The following AFF3 variants were observed in gnomAD, a reference collection of about 807,000 sequenced individuals.
AFF3 encodes ALF transcription elongation factor 3, also known as AF4/FMR2 family member 3.
In AFF3, 32 loss-of-function variants were observed where a neutral mutation model predicts 129.7. The observed-to-expected ratio is 0.25, with a 90% CI of 0.19 to 0.33. AFF3 has a LOEUF of 0.33. Among genes scored for constraint, AFF3 ranks in the 10% least tolerant of loss-of-function variants. The pLI, the probability that AFF3 is intolerant of heterozygous loss-of-function variation, is 1.00. For missense variants in AFF3, 1,373 were observed against 1,592.0 expected, an observed-to-expected ratio of 0.86 and a Z score of 2.34; for synonymous variants, 644 against 635.4, an observed-to-expected ratio of 1.01 and a Z score of -0.20.
chr2:99,905,637 T>C (rs1197909349), intron 7 of AFF3, among the ~76,000 whole-genome samples: 1 of 152,210 alleles, frequency 6.6e-6, no homozygotes, highest in Admixed American at 6.5e-5. Flanking sequence ...GTTTGAATTT[T>C]ATATTTCAAA....
At chr2:99,671,917 T>C (rs1259948199) in intron 12 of AFF3, among the ~76,000 whole-genome samples, 3 of 152,300 alleles carry the variant, frequency 2.0e-5, no homozygotes, top group African/African-American at 7.2e-5. Context: ...GAAGAGTATT[T>C]ATAACCCCCT....
chr2:99,954,854 A>G (rs1484980023), intron 7 of AFF3, among the ~76,000 whole-genome samples: 1 of 150,680 alleles, frequency 6.6e-6, no homozygotes, highest in Non-Finnish European at 1.5e-5. Context: ...AGCATGGCAC[A>G]TGTATACATA....
chr2:100,076,930 T>G (rs1688631422), intron 4 of AFF3, among the ~76,000 whole-genome samples: 1 of 152,064 alleles, frequency 6.6e-6, no homozygotes, highest in Non-Finnish European at 1.5e-5. Flanking sequence ...TTCTATGACT[T>G]AAGAGACTGT....
At chr2:99,859,546 A>C (rs1690812197) in intron 7 of AFF3, among the ~76,000 whole-genome samples, 1 of 152,138 alleles carries the variant, frequency 6.6e-6, no homozygotes, top group Non-Finnish European at 1.5e-5. Flanking sequence ...CCAATACCTA[A>C]TCCTAGAGGA....
chr2:99,648,917 A>ACACACACTCTCT lies in AFF3; in HGVS notation c.1184+708_1184+709insAGAGAGTGTGTG. 1.3e-4 allele frequency among the ~76,000 whole-genome samples: 6 copies of ACACACACTCTCT among 46,940 alleles called. No homozygotes were observed. In the South Asian group the frequency reaches 5.0e-3, roughly 39 times the overall value. The allele number at this position is 46,940 out of a possible 152,430, so 30.8% of individuals were successfully genotyped here. A position where few individuals can be genotyped will look rare whatever the true frequency, so the allele number is the denominator to read the frequency against. On this transcript the variant is annotated intron_variant, in intron 13 of 24. Transcript: ENST00000672756. ...CACACACACACACACACACACACAC[A>ACACACACTCTCT]CTCTCTCTCTCTCTCTCTCTCCAAT... is the stretch of plus-strand genomic sequence containing the variant.
At chr2:100,034,625 CTT>C (rs1346597682) in intron 4 of AFF3, among the ~76,000 whole-genome samples, 1 of 151,838 alleles carries the variant, frequency 6.6e-6, no homozygotes, top group Non-Finnish European at 1.5e-5. Flanking sequence ...AAACATTTCT[CTT>C]TACAACAAGG....
chr2:99,907,855 C>G (rs1429882364), intron 7 of AFF3, among the ~76,000 whole-genome samples: 2 of 152,156 alleles, frequency 1.3e-5, no homozygotes, highest in Non-Finnish European at 2.9e-5. Context: ...TTCTTGGGTT[C>G]ACTGTATCCT....
intron 7 of AFF3, among the ~76,000 whole-genome samples, chr2:99,874,566 T>C (rs577665083): frequency 5.3e-5 from 8 of 152,312 alleles, no homozygotes; most frequent in African/African-American, 1.9e-4. Flanking sequence ...CAGATGTGGA[T>C]ATATTAGGAA....
At chr2:99,712,250 T>C (rs955246665) in intron 11 of AFF3, among the ~76,000 whole-genome samples, 9 of 152,218 alleles carry the variant, frequency 5.9e-5, no homozygotes, top group Admixed American at 5.2e-4. Flanking sequence ...AGGGGAATAC[T>C]TCAGGGAGCC....
chr2:100,006,593 C>T, intron 7 of AFF3, 39 bp downstream of exon 7: 1 of 1,547,588 alleles, frequency 6.5e-7, no homozygotes, highest in Non-Finnish European at 8.7e-7. Context: ...TCACTTGTAA[C>T]TATGCAGTTG....
Position 99,981,487 on chromosome 2 carries a change from C to T in AFF3, c.873+25145G>A, listed in dbSNP as rs191576769. On this transcript the variant is annotated intron_variant, in intron 7 of 24. Coordinates refer to ENST00000672756, the MANE Select transcript of AFF3 (RefSeq NM_001386135.1). ...AACTATTTAAACTTCTAGAAGGATA[C>T]TAGAAGTTTAGATTAGAATCTTGGT... Among the ~76,000 whole-genome samples the T allele has an allele frequency of 1.7e-4, 26 of 152,252 alleles. No homozygotes were observed. The East Asian group carries it at 1.9e-3, about 11-fold the overall frequency.
intron 7 of AFF3, among the ~76,000 whole-genome samples, chr2:99,876,535 C>T (rs2105990581): frequency 6.6e-6 from 1 of 152,228 alleles, no homozygotes; most frequent in Admixed American, 6.5e-5. Flanking sequence ...ATCACCTCTC[C>T]CCCGGCCTGT....
intron 7 of AFF3, among the ~76,000 whole-genome samples, chr2:99,973,783 G>A (rs923457151): frequency 4.6e-5 from 7 of 151,622 alleles, no homozygotes; most frequent in African/African-American, 1.7e-4. Context: ...TGCAGCTATT[G>A]TTTTAATTAG....
At chr2:99,792,434 T>C (rs980703599) in intron 8 of AFF3, among the ~76,000 whole-genome samples, 1 of 152,150 alleles carries the variant, frequency 6.6e-6, no homozygotes, top group Non-Finnish European at 1.5e-5. Context: ...ATTGAGCTGC[T>C]GCACTCCAAC....
intron 4 of AFF3, among the ~76,000 whole-genome samples, chr2:100,063,328 T>A (rs1687459829): frequency 6.6e-6 from 1 of 151,186 alleles, no homozygotes; most frequent in Non-Finnish European, 1.5e-5. Flanking sequence ...ATTGGCTGCA[T>A]AACAACGTGA....
chr2:99,959,877 T>TAA (rs1217226890), intron 7 of AFF3, among the ~76,000 whole-genome samples: 1 of 151,918 alleles, frequency 6.6e-6, no homozygotes, highest in African/African-American at 2.4e-5. Context: ...GCATAGCCTA[T>TAA]GGCTTCCCCC....
intron 12 of AFF3, among the ~76,000 whole-genome samples, chr2:99,665,265 C>T (rs1202658189): frequency 3.3e-5 from 5 of 152,188 alleles, no homozygotes; most frequent in Non-Finnish European, 7.3e-5. Context: ...TGTGGGGAGG[C>T]TGTATTACAG....
At chr2:99,705,035 A>G (rs1677224316) in intron 11 of AFF3, among the ~76,000 whole-genome samples, 1 of 152,226 alleles carries the variant, frequency 6.6e-6, no homozygotes, top group South Asian at 2.1e-4. Context: ...GAACCCTGGT[A>G]GGAATATCAA....
intron 8 of AFF3, among the ~76,000 whole-genome samples, chr2:99,826,308 C>A (rs958411237): frequency 4.2e-4 from 64 of 152,356 alleles, no homozygotes; most frequent in Middle Eastern, 3.4e-3. Context: ...GCCACCCCAT[C>A]TGGCCATTTA....
Sources: allele counts gnomAD v4.1 joint callset (sites outside exome capture counted in the v4.1 genomes callset), GRCh38; gene constraint gnomAD v4.1.1; transcripts MANE v1.5; gene names NCBI Gene and HGNC (gene_info 2026-07-23, HGNC 2026-07-21).